Variants in TMOD1 observed in about 807,000 individuals in gnomAD.
TMOD1 encodes tropomodulin-1.
Under a neutral mutation model 40.6 loss-of-function variants are expected in TMOD1, and 17 were observed. The ratio of observed to expected loss-of-function variants is 0.42; its 90% CI spans 0.29 to 0.63. The LOEUF (loss-of-function observed/expected upper bound fraction) is 0.63. TMOD1 is among the 20% of genes least tolerant of loss of function. The pLI is 0.22. For synonymous variants in TMOD1, 181 were observed against 175.0 expected (o/e 1.03, Z -0.27); for missense variants, 391 against 447.6 (o/e 0.87, Z 1.14).
intron 1 of TMOD1, among the ~76,000 whole-genome samples, chr9:97,506,544 A>C (rs111938468): frequency 1.5e-4 from 23 of 152,222 alleles, no homozygotes; most frequent in African/African-American, 4.6e-4. Context: ...ATGAGGGCAG[A>C]GACCACACCT....
chr9:97,589,509 G>A (rs193133260), intron 8 of TMOD1, among the ~76,000 whole-genome samples: 45 of 151,088 alleles, frequency 3.0e-4, no homozygotes, highest in Non-Finnish European at 4.9e-4. Flanking sequence ...TGGATTTCTT[G>A]ACCTCGTGAT....
chr9:97,570,326 C>G (rs1830799842), intron 8 of TMOD1, among the ~76,000 whole-genome samples: 1 of 152,218 alleles, frequency 6.6e-6, no homozygotes, highest in Non-Finnish European at 1.5e-5. Flanking sequence ...CTACCCTCTT[C>G]TCTGCCTTCT....
rs1459681044 is a variant in TMOD1 at position 97,601,487 on chromosome 9, G to C, written c.*1789G>C. On this transcript the variant is annotated 3_prime_UTR_variant, in exon 10 of 10. Transcript: ENST00000259365. Reference sequence around the variant, plus strand: ...AGTGCTGGGGAAAGCAGAGCTATCAGAGGAAATCTCTCATAGAAACGAAAC... The same window carrying C: ...AGTGCTGGGGAAAGCAGAGCTATCACAGGAAATCTCTCATAGAAACGAAAC... 4.0e-6 allele frequency: 4 copies of C among 992,206 alleles called. No individual in the cohort carries two copies. The highest frequency in any genetic ancestry group is 4.4e-5 in the South Asian group (1 of 22,618). 61.5% of individuals were successfully genotyped at this position (992,206 alleles called of 1,614,324 possible).
chr9:97,595,324 T>C (rs910973555), intron 9 of TMOD1, among the ~76,000 whole-genome samples: 8 of 152,224 alleles, frequency 5.3e-5, no homozygotes, highest in Admixed American at 3.9e-4. Flanking sequence ...AAACACCTTA[T>C]TCCTCTTGTC....
chr9:97,517,190 A>T (rs957317597), intron 1 of TMOD1, among the ~76,000 whole-genome samples: 11 of 151,942 alleles, frequency 7.2e-5, no homozygotes, highest in South Asian at 4.2e-4. Flanking sequence ...CTACAAAAAA[A>T]TTTTTTTAAA....
chr9:97,545,063 T>C (rs901269111), intron 2 of TMOD1, among the ~76,000 whole-genome samples: 1 of 151,660 alleles, frequency 6.6e-6, no homozygotes, highest in Non-Finnish European at 1.5e-5. Context: ...TTTAGTCAGT[T>C]TGAGGGTGCA....
intron 1 of TMOD1, among the ~76,000 whole-genome samples, chr9:97,514,047 T>G (rs1481634810): frequency 6.6e-6 from 1 of 152,116 alleles, no homozygotes; most frequent in African/African-American, 2.4e-5. Flanking sequence ...GGTGGAATGT[T>G]CTGCAGTCAC....
chr9:97,585,607 C>T (rs1392466065), intron 8 of TMOD1, among the ~76,000 whole-genome samples: 1 of 145,454 alleles, frequency 6.9e-6, no homozygotes, highest in African/African-American at 2.6e-5. Context: ...TGTTTTCCAA[C>T]TTGGTTCCAT....
At chr9:97,599,482 C>CAACT (rs1314886543) in intron 9 of TMOD1, 152 bp from the exon 10 acceptor site, 1 of 896,332 alleles carries the variant, frequency 1.1e-6, no homozygotes, top group Non-Finnish European at 1.7e-6. Flanking sequence ...GGCTGTTGTA[C>CAACT]AACTCACACA....
rs1438581104 is a variant in TMOD1, at chr9:97,601,685, A to G, written c.*1987A>G. The G allele has an allele frequency of 3.3e-6, 2 of 598,222 alleles. No homozygotes were observed. The highest frequency in any genetic ancestry group is 4.2e-6 in the Non-Finnish European group (2 of 475,592). The allele number at this position is 598,222 out of a possible 1,614,324, so 37.1% of individuals were successfully genotyped here. On this transcript the variant is annotated 3_prime_UTR_variant, in exon 10 of 10. Transcript: ENST00000259365. ...TGTTGCAACTATTCAACTCTGCCAT[A>G]GATCATGTGTAAAGGAATGGGTGTG...
At position 97,587,384 on chromosome 9, in the gene TMOD1, G is replaced by A. The variant is rs1032730869; in HGVS notation, c.871-3907G>A. On this transcript the variant is annotated intron_variant, in intron 8 of 9. Transcript: ENST00000259365. Reference sequence around the variant, plus strand: ...TTCTCTACATTCTCACCAACGTTTGGTGTTGTTGCTAATTTTTATTTTAGA... The same window carrying A: ...TTCTCTACATTCTCACCAACGTTTGATGTTGTTGCTAATTTTTATTTTAGA... Among the ~76,000 whole-genome samples, 10 of 152,246 alleles carry A rather than the reference G, an allele frequency of 6.6e-5. No homozygotes were observed. The South Asian group carries it at 1.9e-3, about 28-fold the overall frequency.
At chr9:97,543,057 G>T (rs996415324) in intron 2 of TMOD1, among the ~76,000 whole-genome samples, 3 of 152,136 alleles carry the variant, frequency 2.0e-5, no homozygotes, top group Admixed American at 2.0e-4. Context: ...GAGAAACTCT[G>T]CTTTAACTAA....
chr9:97,549,571 T>TGATATTAACAGAG (rs1214341575), intron 3 of TMOD1, among the ~76,000 whole-genome samples: 1 of 152,256 alleles, frequency 6.6e-6, no homozygotes, highest in African/African-American at 2.4e-5. Flanking sequence ...CCCTGGAATC[T>TGATATTAACAGAG]GATATTAACA....
intron 2 of TMOD1, among the ~76,000 whole-genome samples, chr9:97,539,055 C>G (rs1318082553): frequency 6.6e-6 from 1 of 152,006 alleles, no homozygotes; most frequent in Non-Finnish European, 1.5e-5. Context: ...AACAGATCAA[C>G]AAAGAAAAAC....
intron 4 of TMOD1, among the ~76,000 whole-genome samples, chr9:97,556,289 G>T (rs1431282235): frequency 6.6e-6 from 1 of 152,192 alleles, no homozygotes; most frequent in Non-Finnish European, 1.5e-5. Flanking sequence ...CAGAAAACAG[G>T]CTGGGTGGCT....
At chr9:97,575,592 C>T (rs1413505066) in intron 8 of TMOD1, among the ~76,000 whole-genome samples, 1 of 152,188 alleles carries the variant, frequency 6.6e-6, no homozygotes, top group Non-Finnish European at 1.5e-5. Flanking sequence ...GTTGGATAAC[C>T]TAATTCCCAG....
At chr9:97,586,272 T>C (rs1825868300) in intron 8 of TMOD1, among the ~76,000 whole-genome samples, 1 of 152,240 alleles carries the variant, frequency 6.6e-6, no homozygotes, top group East Asian at 1.9e-4. Flanking sequence ...CTGTGTGACG[T>C]GTCAGTGTGC....
At chr9:97,596,776 A>G (rs183790517) in intron 9 of TMOD1, among the ~76,000 whole-genome samples, 1 of 152,202 alleles carries the variant, frequency 6.6e-6, no homozygotes, top group African/African-American at 2.4e-5. Context: ...TTTACTCCCA[A>G]TGCCCCCCAC....
intron 8 of TMOD1, among the ~76,000 whole-genome samples, chr9:97,589,472 T>C (rs2131290727): frequency 6.6e-6 from 1 of 151,052 alleles, no homozygotes; most frequent in Non-Finnish European, 1.5e-5. Flanking sequence ...GTAGAGACAG[T>C]GTTTCACCAC....
Sources: gnomAD v4.1 joint callset for allele counts (sites outside exome capture counted in the v4.1 genomes callset) on GRCh38, gnomAD v4.1.1 for gene constraint, MANE v1.5 for transcripts, NCBI Gene and HGNC (gene_info 2026-07-23, HGNC 2026-07-21) for gene names.